KCNIP4: variants seen among roughly 807,000 people sequenced by gnomAD.
KCNIP4 encodes potassium voltage-gated channel interacting protein 4.
A neutral mutation model predicts 34.0 loss-of-function variants in KCNIP4; 12 were observed. That is an observed-to-expected ratio of 0.35 (90% confidence interval 0.23 to 0.57). The LOEUF (loss-of-function observed/expected upper bound fraction) is 0.57. Among genes scored for constraint, KCNIP4 ranks in the 20% least tolerant of loss-of-function variants. The pLI is 0.83. For synonymous variants in KCNIP4, 124 were observed against 102.2 expected, an observed-to-expected ratio of 1.21 and a Z score of -1.29; for missense variants, 238 against 311.7, an observed-to-expected ratio of 0.76 and a Z score of 1.78.
intron 1 of KCNIP4, among the ~76,000 whole-genome samples, chr4:21,912,618 A>G (rs868265861): frequency 6.6e-5 from 10 of 152,112 alleles, no homozygotes; most frequent in Middle Eastern, 3.2e-3. Context: ...AAGGTGAGGT[A>G]GGAGCAGATC....
chr4:21,612,902 T>A lies in KCNIP4; in HGVS notation c.61+335669A>T, dbSNP rs185883124. On this transcript the variant is annotated intron_variant, in intron 1 of 8. Coordinates refer to ENST00000382152, the MANE Select transcript of KCNIP4 (RefSeq NM_025221.6). ...GGAGTTGCACCCTGACTTGGGGATA[T>A]CAGAAAAATCTTCCTTTTAATAGAA... 1.6e-3 allele frequency among the ~76,000 whole-genome samples: 243 copies of A among 152,314 alleles called. 1 individual carries two copies. The highest frequency in any genetic ancestry group is 2.2e-3 in the Non-Finnish European group (149 of 68,020).
chr4:21,321,458 AT>A (rs1023284967), intron 1 of KCNIP4, among the ~76,000 whole-genome samples: 1 of 152,188 alleles, frequency 6.6e-6, no homozygotes, highest in Non-Finnish European at 1.5e-5. Flanking sequence ...TAGAGAAGAC[AT>A]CTAAGTGTTC....
chr4:20,863,765 C>T lies in KCNIP4; in HGVS notation c.164-13098G>A, dbSNP rs1022938641. On this transcript the variant is annotated intron_variant, in intron 2 of 8. Transcript: ENST00000382152. Reference sequence around the variant, plus strand: ...GGTTTCATTAATACCTGGGTATTTTCGACCAGACAAAATAATCTGTACAAC... The same window carrying T: ...GGTTTCATTAATACCTGGGTATTTTTGACCAGACAAAATAATCTGTACAAC... Among the ~76,000 whole-genome samples, 14 of 151,982 alleles carry T rather than the reference C, an allele frequency of 9.2e-5. 1 individual carries two copies. Among genetic ancestry groups the T allele is most frequent in the Admixed American group, 3.3e-4 (5 of 15,238 alleles).
intron 1 of KCNIP4, among the ~76,000 whole-genome samples, chr4:20,947,330 G>A (rs908300579): frequency 2.6e-5 from 4 of 151,936 alleles, no homozygotes; most frequent in East Asian, 3.9e-4. Context: ...CAACACTCTC[G>A]GCTAATTTTT....
At chr4:21,357,810 T>C (rs541209802) in intron 1 of KCNIP4, among the ~76,000 whole-genome samples, 48 of 152,234 alleles carry the variant, frequency 3.2e-4, no homozygotes, top group Non-Finnish European at 6.0e-4. Context: ...CCAGCCATCC[T>C]ATTACTGGGT....
intron 1 of KCNIP4, among the ~76,000 whole-genome samples, chr4:21,919,940 T>C (rs924455338): frequency 6.6e-6 from 1 of 152,154 alleles, no homozygotes; most frequent in Non-Finnish European, 1.5e-5. Flanking sequence ...AGATTTATGT[T>C]ATAGTTAAAA....
intron 1 of KCNIP4, among the ~76,000 whole-genome samples, chr4:21,281,733 T>C (rs1288988992): frequency 3.3e-5 from 5 of 152,146 alleles, no homozygotes; most frequent in Non-Finnish European, 7.4e-5. Flanking sequence ...TATTTGAAAA[T>C]TGATAACCTG....
chr4:20,814,822 T>G (rs1199836748), intron 3 of KCNIP4, among the ~76,000 whole-genome samples: 1 of 152,302 alleles, frequency 6.6e-6, no homozygotes, highest in South Asian at 2.1e-4. Context: ...GAGAAATTAT[T>G]TCTCAGCAAT....
intron 1 of KCNIP4, among the ~76,000 whole-genome samples, chr4:21,775,884 T>A (rs113535097): frequency 0.057 from 8,622 of 152,152 alleles, 818 homozygotes; most frequent in African/African-American, 0.19. Context: ...GCATTTTAGG[T>A]AGTTGTGAGT....
chr4:21,819,949 A>G (rs1031090124), intron 1 of KCNIP4, among the ~76,000 whole-genome samples: 2 of 152,222 alleles, frequency 1.3e-5, no homozygotes, highest in South Asian at 2.1e-4. Context: ...GGCTTAAAAT[A>G]CTGGAGCAAT....
chr4:21,452,870 G>GAAA (rs33985194), intron 1 of KCNIP4, among the ~76,000 whole-genome samples: 1 of 12,500 alleles, frequency 8.0e-5, no homozygotes, highest in South Asian at 1.3e-3. Flanking sequence ...CAGGGTAAAG[G>GAAA]CTGTATGCCT....
intron 1 of KCNIP4, among the ~76,000 whole-genome samples, chr4:21,714,703 G>A (rs944236934): frequency 6.6e-6 from 1 of 152,050 alleles, no homozygotes; most frequent in East Asian, 1.9e-4. Context: ...TAAAGGTGAA[G>A]TAATTGAGAA....
intron 1 of KCNIP4, among the ~76,000 whole-genome samples, chr4:21,176,358 G>T (rs1393447389): frequency 6.6e-6 from 1 of 152,080 alleles, no homozygotes; most frequent in East Asian, 1.9e-4. Context: ...ACCAAAAGAG[G>T]CCTGACTGGG....
At chr4:21,685,587 T>C (rs1290718510) in intron 1 of KCNIP4, among the ~76,000 whole-genome samples, 1 of 152,212 alleles carries the variant, frequency 6.6e-6, no homozygotes, top group East Asian at 1.9e-4. Context: ...CAATTAGCTG[T>C]TATGACCTTA....
At chr4:20,860,134 T>G (rs898034217) in intron 2 of KCNIP4, among the ~76,000 whole-genome samples, 1 of 152,096 alleles carries the variant, frequency 6.6e-6, no homozygotes, top group African/African-American at 2.4e-5. Flanking sequence ...TCTTTTTTTT[T>G]TCTTCTCTTT....
At chr4:21,767,887 ATAAAT>A (rs771132460) in intron 1 of KCNIP4, among the ~76,000 whole-genome samples, 18 of 152,108 alleles carry the variant, frequency 1.2e-4, no homozygotes, top group African/African-American at 4.1e-4. Context: ...TTCTGGTTAA[ATAAAT>A]TAAAGATGGG....
At chr4:21,592,805 A>T (rs568936539) in intron 1 of KCNIP4, among the ~76,000 whole-genome samples, 1 of 152,236 alleles carries the variant, frequency 6.6e-6, no homozygotes, top group East Asian at 1.9e-4. Flanking sequence ...GAGGAAAGTC[A>T]CTGAAAGAGC....
At chr4:21,333,000 C>T (rs1442202509) in intron 1 of KCNIP4, among the ~76,000 whole-genome samples, 9 of 152,064 alleles carry the variant, frequency 5.9e-5, no homozygotes, top group Admixed American at 5.9e-4. Context: ...GGAGCCTTTG[C>T]ACAAGCTGTT....
intron 1 of KCNIP4, among the ~76,000 whole-genome samples, chr4:21,223,939 C>T (rs759072333): frequency 3.3e-5 from 5 of 152,066 alleles, no homozygotes; most frequent in Non-Finnish European, 7.3e-5. Context: ...ACGGTTGACC[C>T]TATACCAGCT....
Sources: allele counts gnomAD v4.1 joint callset (sites outside exome capture counted in the v4.1 genomes callset), GRCh38; gene constraint gnomAD v4.1.1; transcripts MANE v1.5; gene names NCBI Gene and HGNC (gene_info 2026-07-23, HGNC 2026-07-21).